ILDR1: variants seen among roughly 807,000 people sequenced by gnomAD.
The protein encoded by ILDR1 is immunoglobulin like domain containing receptor 1.
Under a neutral mutation model 62.4 loss-of-function variants are expected in ILDR1, and 56 were observed. That is an observed-to-expected ratio of 0.90 (90% CI 0.72 to 1.12). The LOEUF is 1.12. Among genes scored for constraint, ILDR1 ranks in the 50% most tolerant of loss-of-function variants. The pLI is 0.00. For synonymous variants in ILDR1, 284 were observed against 277.8 expected (o/e 1.02, Z -0.22); for missense variants, 736 against 710.6 (o/e 1.04, Z -0.41).
intron 5 of ILDR1, 114 bp from the exon 6 acceptor site, chr3:121,994,427 T>C (rs2107646131): frequency 1.6e-6 from 2 of 1,261,328 alleles, no homozygotes; most frequent in Non-Finnish European, 2.1e-6. Flanking sequence ...TTGTCCATTC[T>C]CACCTATTTT....
the ILDR1 span, among the ~76,000 whole-genome samples, chr3:122,038,402 G>A: frequency 6.6e-6 from 1 of 152,160 alleles, no homozygotes; most frequent in Non-Finnish European, 1.5e-5. Flanking sequence ...GAAATTTGAA[G>A]CCTATAGTGC....
At chr3:122,027,795 T>G in the ILDR1 span, among the ~76,000 whole-genome samples, 1 of 152,196 alleles carries the variant, frequency 6.6e-6, no homozygotes, top group Admixed American at 6.5e-5. Context: ...ACTGTTTACC[T>G]GAGTTCTGTT....
intron 1 of ILDR1, 50 bp from the exon 2 acceptor site, chr3:122,007,211 G>A: frequency 6.2e-7 from 1 of 1,613,104 alleles, no homozygotes; most frequent in Non-Finnish European, 8.5e-7. Context: ...CTCTGCTCAT[G>A]GGTAAGAAAA....
chr3:122,029,532 A>ATATATATATATATATATATG, the ILDR1 span, among the ~76,000 whole-genome samples: 7 of 148,826 alleles, frequency 4.7e-5, no homozygotes, highest in South Asian at 2.1e-4. Flanking sequence ...ATATATATAT[A>ATATATATATATATATATATG]TTTAGGGGAA....
At chr3:122,055,201 G>A in the ILDR1 span, among the ~76,000 whole-genome samples, 1 of 152,082 alleles carries the variant, frequency 6.6e-6, no homozygotes. Flanking sequence ...GTCATGTCTG[G>A]AACTCAAGCT....
chr3:122,024,166 A>G (rs2071902476), upstream of ILDR1, among the ~76,000 whole-genome samples: 1 of 152,196 alleles, frequency 6.6e-6, no homozygotes, highest in Non-Finnish European at 1.5e-5. Context: ...TATTAAGTCA[A>G]TTCAAGAAAT....
chr3:122,033,846 G>T, the ILDR1 span, among the ~76,000 whole-genome samples: 2 of 152,144 alleles, frequency 1.3e-5, no homozygotes, highest in Non-Finnish European at 2.9e-5. Context: ...CTATTTGCCT[G>T]TCCTTGTGCC....
chr3:122,048,458 T>A, the ILDR1 span, among the ~76,000 whole-genome samples: 3 of 152,354 alleles, frequency 2.0e-5, no homozygotes, highest in African/African-American at 7.2e-5. Context: ...TTGGAAGTGT[T>A]CTATCCTCTT....
chr3:122,008,512 G>A (rs1369624029), intron 1 of ILDR1, among the ~76,000 whole-genome samples: 1 of 152,232 alleles, frequency 6.6e-6, no homozygotes, highest in Admixed American at 6.5e-5. Context: ...CCCTATGCTA[G>A]GAGTTTCTAG....
the ILDR1 span, among the ~76,000 whole-genome samples, chr3:122,049,837 T>TC: frequency 8.8e-4 from 134 of 152,300 alleles, no homozygotes; most frequent in Non-Finnish European, 1.6e-3. Context: ...GGCCCTTTTT[T>TC]CTCTTCTACT....
the ILDR1 span, among the ~76,000 whole-genome samples, chr3:122,036,433 C>CA: frequency 6.6e-6 from 1 of 151,752 alleles, no homozygotes; most frequent in Non-Finnish European, 1.5e-5. Flanking sequence ...ACTAAAAATA[C>CA]AAAAAATTAG....
At chr3:122,008,578 CTTTTCTTTTCTTTTCTTT>C (rs138996900) in intron 1 of ILDR1, among the ~76,000 whole-genome samples, 43,418 of 138,652 alleles carry the variant, frequency 0.31, 7,410 homozygotes, top group Middle Eastern at 0.47. Flanking sequence ...CTTTTCTTTT[CTTTTCTTTTCTTTTCTTT>C]TTTTTTTTTT....
the ILDR1 span, among the ~76,000 whole-genome samples, chr3:122,041,983 G>T: frequency 7.3e-6 from 1 of 137,706 alleles, no homozygotes; most frequent in Non-Finnish European, 1.6e-5. Context: ...AGTTACATAT[G>T]TATACATGTG....
chr3:122,058,284 T>G, the ILDR1 span, among the ~76,000 whole-genome samples: 5 of 152,096 alleles, frequency 3.3e-5, no homozygotes, highest in African/African-American at 1.2e-4. Context: ...AAGTTGTGCT[T>G]TTGGGATGGA....
chr3:122,032,684 T>C, the ILDR1 span, among the ~76,000 whole-genome samples: 83,945 of 151,958 alleles, frequency 0.55, 24,288 homozygotes, highest in African/African-American at 0.72. Flanking sequence ...TCATAAAAGG[T>C]ACTATAGCTT....
intron 4 of ILDR1, 121 bp from the exon 5 acceptor site, chr3:122,001,575 A>G (rs2071526194): frequency 2.0e-6 from 3 of 1,468,676 alleles, no homozygotes; most frequent in Non-Finnish European, 2.9e-6. Context: ...AAGTTGAGCA[A>G]TATACTGGCA....
intron 7 of ILDR1, among the ~76,000 whole-genome samples, chr3:121,988,624 C>T (rs1055148751): frequency 6.6e-6 from 1 of 152,192 alleles, no homozygotes; most frequent in Non-Finnish European, 1.5e-5. Context: ...GAGACTCCCT[C>T]AAATACCTTT....
At chr3:121,991,573 G>C (rs1284972292) in intron 7 of ILDR1, among the ~76,000 whole-genome samples, 1 of 152,228 alleles carries the variant, frequency 6.6e-6, no homozygotes, top group Admixed American at 6.5e-5. Flanking sequence ...GATTAAGTAA[G>C]ATGTTATATA....
chr3:122,035,730 C>T, the ILDR1 span, among the ~76,000 whole-genome samples: 3 of 152,150 alleles, frequency 2.0e-5, no homozygotes, highest in African/African-American at 7.2e-5. Flanking sequence ...TTCTGTTCAG[C>T]CTGTGGAACA....
Sources: allele counts gnomAD v4.1 joint callset (sites outside exome capture counted in the v4.1 genomes callset), GRCh38; gene constraint gnomAD v4.1.1; transcripts MANE v1.5; gene names NCBI Gene and HGNC (gene_info 2026-07-23, HGNC 2026-07-21).